MAPKBP1: variants seen among roughly 807,000 people sequenced by gnomAD.
MAPKBP1 encodes the protein mitogen-activated protein kinase binding protein 1, also known as mitogen-activated protein kinase-binding protein 1.
MAPKBP1 carries 71 observed loss-of-function variants against 170.5 expected under a neutral mutation model. That is an observed-to-expected ratio of 0.42 (90% CI 0.34 to 0.51). The LOEUF (loss-of-function observed/expected upper bound fraction) is 0.51. Ranked by LOEUF, MAPKBP1 falls within the 20% of genes least tolerant of loss-of-function variation. MAPKBP1 has a pLI of 0.06. For synonymous variants in MAPKBP1, 719 were observed against 757.9 expected (o/e 0.95, Z 0.84); for missense variants, 1,598 against 1,933.0 (o/e 0.83, Z 3.25).
At position 41,826,302 on chromosome 15, in the gene MAPKBP1, G is replaced by A. The variant is rs2065092519; in HGVS notation, c.*866G>A. 1 of 152,640 alleles carries A rather than the reference G, an allele frequency of 6.6e-6. No homozygotes were observed. The highest frequency in any genetic ancestry group is 1.5e-5 in the Non-Finnish European group (1 of 68,166). The allele number at this position is 152,640 out of a possible 1,614,324, so 9.5% of individuals were successfully genotyped here. A position where few individuals can be genotyped will look rare whatever the true frequency, so the allele number is the denominator to read the frequency against. ...CATCCTGAATGATGCTTAGTCAGAA[G>A]CCTGTGTTGGAACATCCCTCGTTTA... On this transcript the variant is annotated 3_prime_UTR_variant, in exon 31 of 31. Transcript: ENST00000457542.
chr15:41,798,022 G>A (rs943403739), intron 2 of MAPKBP1, among the ~76,000 whole-genome samples: 5 of 151,728 alleles, frequency 3.3e-5, no homozygotes, highest in African/African-American at 9.7e-5. Context: ...AGGCCGAGGC[G>A]GGCGGATCAC....
chr15:41,806,647 AGTGAGCAGC>A (rs2064700845), intron 3 of MAPKBP1, among the ~76,000 whole-genome samples: 2 of 152,132 alleles, frequency 1.3e-5, no homozygotes, highest in African/African-American at 2.4e-5. Flanking sequence ...CTTCTGTGAG[AGTGAGCAGC>A]CGCCCTGCAC....
chr15:41,793,283 C>T (rs560539407), intron 2 of MAPKBP1, among the ~76,000 whole-genome samples: 26 of 152,156 alleles, frequency 1.7e-4, no homozygotes, highest in East Asian at 1.4e-3. Context: ...GTCAGGAGAT[C>T]GAGACCATAC....
chr15:41,813,878 G>GC (rs1217036811), intron 9 of MAPKBP1, 97 bp downstream of exon 9: 3 of 1,364,180 alleles, frequency 2.2e-6, no homozygotes, highest in Non-Finnish European at 3.0e-6. Flanking sequence ...GTGTATTGAT[G>GC]CCCCAAAGAT....
chr15:41,775,297 A>T lies in MAPKBP1; in HGVS notation c.22A>T (p.Ile8Phe). 1 of 1,614,112 alleles carries T rather than the reference A, an allele frequency of 6.2e-7. No homozygotes were observed. The highest frequency in any genetic ancestry group is 8.5e-7 in the Non-Finnish European group (1 of 1,179,990). ...CATAATGGCTGTGGAAGGGTCAACC[A>T]TTACCAGCCGGATCAAGAATCTGTT... Reference protein sequence around the residue: MAVEGSTITSRIKNLLRS... With the variant: MAVEGSTFTSRIKNLLRS... Residue 8 changes from isoleucine to phenylalanine, a missense_variant, in exon 2 of 31, where the codon ATT becomes TTT. By Grantham distance (21) the Ile-to-Phe change is conservative (BLOSUM62 0). This residue lies in a region of MAPKBP1 where 151 missense variants were observed against 191.4 expected (regional missense o/e 0.79). Coordinates refer to ENST00000457542, the MANE Select transcript of MAPKBP1 (RefSeq NM_014994.3).
intron 2 of MAPKBP1, among the ~76,000 whole-genome samples, chr15:41,784,219 T>A (rs1463447521): frequency 6.6e-6 from 1 of 152,218 alleles, no homozygotes; most frequent in East Asian, 1.9e-4. Flanking sequence ...TTTCTCAACA[T>A]GTCCTTTCTG....
rs375558914 is a variant in MAPKBP1 at position 41,822,662 on chromosome 15, A to G, written c.3299A>G (p.Gln1100Arg). The G allele has an allele frequency of 2.5e-6, 4 of 1,613,980 alleles. No homozygotes were observed. In the African/African-American group the frequency reaches 5.3e-5, roughly 22 times the overall value. The part of the protein sequence containing the change: ...SISSRFLLQV[Q>R]TRPLREPSPS... ...TCTTCACGATTCCTGTTGCAAGTAC[A>G]GACCCGCCCACTCAGGTACAGAGGC... is the stretch of plus-strand genomic sequence containing the variant. Residue 1100 changes from glutamine (Q) to arginine (R), a missense_variant, in exon 27 of 31, where the codon CAG becomes CGG. Gln to Arg is a conservative substitution (Grantham distance 43, BLOSUM62 1). Transcript: ENST00000457542.
At chr15:41,803,509 C>T (rs539461114) in intron 3 of MAPKBP1, among the ~76,000 whole-genome samples, 4 of 150,082 alleles carry the variant, frequency 2.7e-5, no homozygotes, top group South Asian at 2.1e-4. Flanking sequence ...AATTTGAAAC[C>T]AGCCTGGGCA....
intron 3 of MAPKBP1, among the ~76,000 whole-genome samples, chr15:41,803,393 G>A (rs903385236): frequency 1.4e-4 from 16 of 112,604 alleles, no homozygotes; most frequent in African/African-American, 4.1e-4. Flanking sequence ...CAGCCTGAGC[G>A]GCTGAGCAAG....
At chr15:41,815,467 C>A in intron 11 of MAPKBP1, 62 bp downstream of exon 11, 1 of 1,594,222 alleles carries the variant, frequency 6.3e-7, no homozygotes, top group Non-Finnish European at 8.6e-7. Context: ...ACAGCTATTG[C>A]ACCTTGTTAC....
chr15:41,825,142 G>T, intron 30 of MAPKBP1, 67 bp from the exon 31 acceptor site: 1 of 1,364,286 alleles, frequency 7.3e-7, no homozygotes. Context: ...GGACCCAGGT[G>T]GGGCCCCTCC....
intron 2 of MAPKBP1, among the ~76,000 whole-genome samples, chr15:41,791,807 A>G (rs999429600): frequency 4.6e-5 from 7 of 152,048 alleles, no homozygotes; most frequent in Non-Finnish European, 8.8e-5. Context: ...CCTGTACCTC[A>G]TCTTCTCCAT....
At chr15:41,780,836 T>C (rs928897551) in intron 2 of MAPKBP1, among the ~76,000 whole-genome samples, 4 of 152,138 alleles carry the variant, frequency 2.6e-5, no homozygotes, top group Non-Finnish European at 2.9e-5. Context: ...AGTGTGGATT[T>C]TTAGCGTTGG....
intron 2 of MAPKBP1, among the ~76,000 whole-genome samples, chr15:41,796,701 C>T (rs2064496884): frequency 6.6e-6 from 1 of 152,162 alleles, no homozygotes; most frequent in East Asian, 1.9e-4. Context: ...AAACTCCTGC[C>T]TGTGGGGTTT....
chr15:41,808,055 A>C lies in MAPKBP1; in HGVS notation c.207-2828A>C, dbSNP rs549832958. 4.9e-3 allele frequency among the ~76,000 whole-genome samples: 742 copies of C among 151,658 alleles called. 3 individuals are homozygous for C. The highest frequency in any genetic ancestry group is 0.01 in the Middle Eastern group (3 of 292). Reference sequence around the variant, plus strand: ...CTCCATCTCAAAAAAAAAAGAAAAAAAAATCTAAATCTGTGCACTTTGAAC... The same window carrying C: ...CTCCATCTCAAAAAAAAAAGAAAAACAAATCTAAATCTGTGCACTTTGAAC... On this transcript the variant is annotated intron_variant, in intron 3 of 30. Transcript: ENST00000457542.
intron 2 of MAPKBP1, among the ~76,000 whole-genome samples, chr15:41,787,274 A>G (rs751582828): frequency 6.6e-6 from 1 of 152,200 alleles, no homozygotes; most frequent in Non-Finnish European, 1.5e-5. Flanking sequence ...AAAATTATCC[A>G]TAATTCCAGC....
chr15:41,819,445 C>T, intron 21 of MAPKBP1, 66 bp downstream of exon 21: 1 of 1,601,546 alleles, frequency 6.2e-7, no homozygotes, highest in Non-Finnish European at 8.5e-7. Context: ...TATGGTTTTT[C>T]TGAGACTGTG....
rs142133358 is a variant in MAPKBP1 at position 41,821,991 on chromosome 15, G to A, written c.2912G>A (p.Arg971Gln). 4.4e-5 allele frequency: 71 copies of A among 1,610,002 alleles called. No homozygotes were observed. Among genetic ancestry groups the A allele is most frequent in the African/African-American group, 4.1e-4 (31 of 74,800 alleles). ...TSEFQVQAPA[R>Q]GTLGRVYPGS... ...GAGTTCCAAGTGCAGGCTCCAGCCC[G>A]GGGAACTCTGGGAAGAGTGTACCCA... is the stretch of plus-strand genomic sequence containing the variant. Residue 971 changes from arginine (R) to glutamine (Q), a missense_variant, in exon 25 of 31, where the codon CGG (arginine) becomes CAG (glutamine). This residue lies in a region of MAPKBP1 where 942 missense variants were observed against 953.2 expected (regional missense o/e 0.99). Transcript: ENST00000457542.
chr15:41,822,227 T>C lies in MAPKBP1; in HGVS notation c.3034T>C (p.Ser1012Pro), dbSNP rs778843040. ...LSSPEHPTED[S>P]ESTEPLSVDG... ...CTCTCTCCCCTCCCCACACCCAGAC[T>C]CTGAGAGCACGGAGCCCCTCAGTGT... Residue 1012 changes from serine to proline, a missense_variant and splice_region_variant, in exon 26 of 31, where the codon TCT (serine) becomes CCT (proline). Transcript: ENST00000457542. 4 of 1,611,746 alleles carry C rather than the reference T, an allele frequency of 2.5e-6. No individual in the cohort carries two copies. The African/African-American group carries it at 5.3e-5, about 22-fold the overall frequency.
Sources: gnomAD v4.1 joint callset for allele counts (sites outside exome capture counted in the v4.1 genomes callset) on GRCh38, gnomAD v4.1.1 for gene constraint, gnomAD v4.1.1 regional missense constraint, MANE v1.5 for transcripts, NCBI Gene and HGNC (gene_info 2026-07-23, HGNC 2026-07-21) for gene names.